BUB1B: variants seen among roughly 807,000 people sequenced by gnomAD.
The protein encoded by BUB1B is mitotic checkpoint serine/threonine-protein kinase BUB1 beta.
In BUB1B, 86 loss-of-function variants were observed where a neutral mutation model predicts 137.7. The ratio of observed to expected loss-of-function variants is 0.62; its 90% CI spans 0.52 to 0.75. The LOEUF is 0.75. Ranked by LOEUF, BUB1B falls within the 30% of genes least tolerant of loss-of-function variation. The pLI is 0.00. For synonymous variants in BUB1B, 420 were observed against 417.9 expected, an observed-to-expected ratio of 1.00 and a Z score of -0.06; for missense variants, 1,130 against 1,236.9, an observed-to-expected ratio of 0.91 and a Z score of 1.30.
rs770794026 is a variant in BUB1B, at chr15:40,208,760, T to A, written c.2133T>A (p.Asn711Lys). The stretch of plus-strand genomic sequence containing the variant: ...TTCCTGAGAAACTAGAACTTACTAA[T>A]GAGACTTCAGGTAGGATATACATAC... ...LQIPEKLELT[N>K]ETSENPTQSP... The change falls in exon 16 of 23, where the codon AAT becomes AAA. Residue 711 changes from asparagine to lysine, a missense_variant. Transcript: ENST00000287598. 2 of 1,612,432 alleles carry A rather than the reference T, an allele frequency of 1.2e-6. No individual in the cohort carries two copies. Among genetic ancestry groups the A allele is most frequent in the Non-Finnish European group, 8.5e-7 (1 of 1,178,542 alleles).
intron 4 of BUB1B, among the ~76,000 whole-genome samples, chr15:40,171,841 C>G (rs1007379520): frequency 6.6e-6 from 1 of 152,016 alleles, no homozygotes; most frequent in Non-Finnish European, 1.5e-5. Flanking sequence ...TACTGTCTTA[C>G]TTGACATGTA....
intron 5 of BUB1B, among the ~76,000 whole-genome samples, chr15:40,178,696 C>A (rs946916572): frequency 1.3e-5 from 2 of 151,802 alleles, no homozygotes; most frequent in Non-Finnish European, 2.9e-5. Flanking sequence ...TCTTTTAGTC[C>A]CATCAGTTTT....
At chr15:40,209,377 T>C (rs1330750892) in intron 16 of BUB1B, among the ~76,000 whole-genome samples, 1 of 152,232 alleles carries the variant, frequency 6.6e-6, no homozygotes, top group Admixed American at 6.5e-5. Context: ...TGAGCCGAGA[T>C]GGCGCCACTG....
intron 1 of BUB1B, among the ~76,000 whole-genome samples, chr15:40,164,768 G>A (rs540429028): frequency 6.6e-6 from 1 of 151,358 alleles, no homozygotes; most frequent in Non-Finnish European, 1.5e-5. Flanking sequence ...TCACAAAGTG[G>A]TGGGATTACA....
chr15:40,181,609 C>T lies in BUB1B; in HGVS notation c.582-2105C>T, dbSNP rs200360164. ...TACCAATAATCTGTCCAAATTAAAC[C>T]TTTTGATATCATTCCATAGGTCCCT... On this transcript the variant is annotated intron_variant, in intron 5 of 22. Transcript: ENST00000287598. Among the ~76,000 whole-genome samples the T allele has an allele frequency of 5.9e-5, 9 of 152,214 alleles. No homozygotes were observed. The East Asian group carries it at 1.5e-3, about 26-fold the overall frequency.
intron 9 of BUB1B, among the ~76,000 whole-genome samples, chr15:40,198,374 A>T (rs1404721863): frequency 6.6e-6 from 1 of 151,994 alleles, no homozygotes; most frequent in African/African-American, 2.4e-5. Flanking sequence ...CACCATGCAG[A>T]CCTTAATGCT....
At chr15:40,195,556 G>A (rs1255352848) in intron 8 of BUB1B, among the ~76,000 whole-genome samples, 2 of 152,112 alleles carry the variant, frequency 1.3e-5, no homozygotes, top group African/African-American at 2.4e-5. Context: ...AGGAATCTCC[G>A]TACTGTTTTC....
chr15:40,209,141 CG>C (rs1187252546), intron 16 of BUB1B, among the ~76,000 whole-genome samples: 52 of 151,774 alleles, frequency 3.4e-4, no homozygotes, highest in South Asian at 3.4e-3. Context: ...AGTTGCCGGC[CG>C]GGTGCGGTGG....
chr15:40,167,177 GT>G (rs573448255), intron 2 of BUB1B, among the ~76,000 whole-genome samples: 220 of 135,530 alleles, frequency 1.6e-3, no homozygotes, highest in Admixed American at 2.4e-3. Flanking sequence ...TTTTCTGGGT[GT>G]TTTTTTTTTT....
chr15:40,208,701 G>A lies in BUB1B; in HGVS notation c.2074G>A (p.Val692Ile). The stretch of plus-strand genomic sequence containing the variant: ...TGGCTTCTCTGGTTCTTCTGCCTCG[G>A]TTGCAAGCACCTCCTCCATCAAATG... ...SSGFSGSSAS[V>I]ASTSSIKCLQ... is the part of the protein sequence containing the mutation. The change falls in exon 16 of 23, where the codon GTT becomes ATT. Residue 692 changes from valine (V) to isoleucine (I), a missense_variant. Transcript: ENST00000287598. The A allele has an allele frequency of 6.2e-7, 1 of 1,613,800 alleles. No homozygotes were observed. The highest frequency in any genetic ancestry group is 1.1e-5 in the South Asian group (1 of 91,076).
intron 8 of BUB1B, among the ~76,000 whole-genome samples, chr15:40,187,282 C>T (rs925322535): frequency 5.3e-5 from 8 of 152,218 alleles, no homozygotes; most frequent in East Asian, 1.9e-4. Flanking sequence ...CCTGCCACCA[C>T]GCCTGGCTAA....
intron 1 of BUB1B, among the ~76,000 whole-genome samples, chr15:40,162,221 G>A (rs948501813): frequency 6.6e-6 from 1 of 152,238 alleles, no homozygotes; most frequent in East Asian, 1.9e-4. Context: ...CAAAGGCTGA[G>A]GGTGAGAGCT....
At chr15:40,182,991 C>T (rs1245977653) in intron 5 of BUB1B, among the ~76,000 whole-genome samples, 1 of 152,068 alleles carries the variant, frequency 6.6e-6, no homozygotes, top group Non-Finnish European at 1.5e-5. Context: ...TTTTTAATTC[C>T]TATCAGTGAG....
chr15:40,202,779 A>C, intron 14 of BUB1B, 85 bp downstream of exon 14: 1 of 1,178,334 alleles, frequency 8.5e-7, no homozygotes, highest in Non-Finnish European at 1.3e-6. Flanking sequence ...TAAAATTGAA[A>C]CCACTGACTT....
chr15:40,165,728 A>G (rs920077135), intron 2 of BUB1B, among the ~76,000 whole-genome samples: 42 of 152,260 alleles, frequency 2.8e-4, no homozygotes, highest in African/African-American at 1.0e-3. Flanking sequence ...TTTTTAAAAA[A>G]AAAGGTAAAT....
chr15:40,182,306 T>C (rs573322646), intron 5 of BUB1B, among the ~76,000 whole-genome samples: 4 of 152,360 alleles, frequency 2.6e-5, no homozygotes, highest in African/African-American at 7.2e-5. Context: ...CACATTTTTC[T>C]AGTTCTTTGT....
At chr15:40,208,903 A>G (rs2037673103) in intron 16 of BUB1B, 133 bp downstream of exon 16, 3 of 904,722 alleles carry the variant, frequency 3.3e-6, no homozygotes, top group Non-Finnish European at 5.3e-6. Context: ...GGCACAATCA[A>G]ACTCACTGGG....
intron 4 of BUB1B, among the ~76,000 whole-genome samples, chr15:40,171,545 T>A (rs2037162936): frequency 6.6e-6 from 1 of 152,196 alleles, no homozygotes; most frequent in South Asian, 2.1e-4. Flanking sequence ...AGATCCTGTC[T>A]CAAAAAAACA....
chr15:40,206,497 T>C, intron 15 of BUB1B, 39 bp downstream of exon 15: 2 of 1,612,506 alleles, frequency 1.2e-6, no homozygotes, highest in Non-Finnish European at 8.5e-7. Context: ...CCAGATTGTT[T>C]ACTCTCTTAT....
Sources: gnomAD v4.1 joint callset for allele counts (sites outside exome capture counted in the v4.1 genomes callset) on GRCh38, gnomAD v4.1.1 for gene constraint, MANE v1.5 for transcripts, NCBI Gene and HGNC (gene_info 2026-07-23, HGNC 2026-07-21) for gene names.